NPIPB2: variants seen among roughly 807,000 people sequenced by gnomAD.
NPIPB2 encodes the protein nuclear pore complex interacting protein family member B2.
Under a neutral mutation model 30.8 loss-of-function variants are expected in NPIPB2, and 27 were observed. The observed-to-expected ratio is 0.88, with a 90% CI of 0.65 to 1.21. The LOEUF (loss-of-function observed/expected upper bound fraction) is 1.21, where lower values mean the gene tolerates loss of function less well. NPIPB2 is among the 50% of genes most tolerant of loss of function. NPIPB2 has a pLI of 0.00. For missense variants in NPIPB2, 440 were observed against 446.2 expected (o/e 0.99, Z 0.13); for synonymous variants, 147 against 162.0 (o/e 0.91, Z 0.70).
exon 3 of NPIPB2, chr16:11,933,908 G>C: frequency 6.4e-7 from 1 of 1,550,954 alleles, no homozygotes. Flanking sequence ...CTGGAAGATA[G>C]TCTTCAGGAA....
chr16:11,952,565 CTTTTT>C (rs3031202), intron 1 of NPIPB2, among the ~76,000 whole-genome samples: 1 of 109,874 alleles, frequency 9.1e-6, no homozygotes, highest in Non-Finnish European at 2.0e-5. Context: ...CTTTCTTTCT[CTTTTT>C]TTTTTTTTTT....
At chr16:11,952,947 G>A (rs372725031) in intron 1 of NPIPB2, among the ~76,000 whole-genome samples, 1 of 151,994 alleles carries the variant, frequency 6.6e-6, no homozygotes, top group Non-Finnish European at 1.5e-5. Flanking sequence ...GGATCTCTCT[G>A]CCCCTTGGAT....
At chr16:11,963,942 G>C (rs1340660958) in intron 1 of NPIPB2, 3 of 151,996 alleles carry the variant, frequency 2.0e-5, no homozygotes, top group Admixed American at 1.3e-4. Flanking sequence ...GGCTGAGGTG[G>C]GCAGATCACC....
chr16:11,957,150 C>G (rs990162459), intron 1 of NPIPB2, among the ~76,000 whole-genome samples: 2 of 146,572 alleles, frequency 1.4e-5, no homozygotes, highest in Admixed American at 1.4e-4. Flanking sequence ...TGCCACCACA[C>G]CTGTCTAACT....
At chr16:11,948,766 CAAAAAAA>C (rs34639444) in intron 1 of NPIPB2, among the ~76,000 whole-genome samples, 4 of 67,256 alleles carry the variant, frequency 5.9e-5, no homozygotes, top group Non-Finnish European at 9.3e-5. Flanking sequence ...GACTCCGTCT[CAAAAAAA>C]AAAAAAAAAA....
intron 2 of NPIPB2, 136 bp downstream of exon 2, chr16:11,937,404 T>C (rs1445538462): frequency 3.2e-6 from 2 of 631,894 alleles, no homozygotes; most frequent in East Asian, 3.0e-5. Flanking sequence ...ATAATTCTTA[T>C]GCTAATAAAT....
chr16:11,950,851 C>G (rs1490948596), intron 1 of NPIPB2, among the ~76,000 whole-genome samples: 1 of 152,112 alleles, frequency 6.6e-6, no homozygotes, highest in Non-Finnish European at 1.5e-5. Context: ...TCTTATTTCT[C>G]TGTATGTTCT....
intron 2 of NPIPB2, among the ~76,000 whole-genome samples, chr16:11,936,313 AAAG>A (rs1452989323): frequency 2.6e-5 from 4 of 152,084 alleles, no homozygotes; most frequent in African/African-American, 9.7e-5. Context: ...GAGGGTGAGA[AAAG>A]AAAAAAAAAA....
chr16:11,933,900 G>A lies in NPIPB2; in HGVS notation c.217C>T (p.Gln73Ter), dbSNP rs765964203. Residue 73 changes from glutamine to a stop codon, truncating the protein, a stop_gained, in exon 3 of 8, where the codon CAG becomes TAG. Transcript: ENST00000399147. LOFTEE classifies it high-confidence loss of function. The stretch of plus-strand genomic sequence containing the variant: ...GATACATCATGTCCATTTTCAGACT[G>A]GAAGATAGTCTTCAGGAAAGACAAC... 6.4e-7 allele frequency: 1 copy of A among 1,554,522 alleles called. No homozygotes were observed. The highest frequency in any genetic ancestry group is 8.8e-7 in the Non-Finnish European group (1 of 1,140,572).
chr16:11,957,571 G>T (rs886331532), intron 1 of NPIPB2, among the ~76,000 whole-genome samples: 7 of 152,118 alleles, frequency 4.6e-5, no homozygotes, highest in African/African-American at 1.7e-4. Context: ...TGGGATTACA[G>T]ACCTGAGCCA....
chr16:11,952,356 A>C (rs2055075259), intron 1 of NPIPB2, among the ~76,000 whole-genome samples: 1 of 151,770 alleles, frequency 6.6e-6, no homozygotes. Context: ...TCAAAAATAA[A>C]AAATAAAAAT....
intron 1 of NPIPB2, among the ~76,000 whole-genome samples, chr16:11,959,480 C>T (rs1325877508): frequency 6.6e-6 from 1 of 151,948 alleles, no homozygotes; most frequent in Non-Finnish European, 1.5e-5. Flanking sequence ...GTCCTAGCTA[C>T]CTGAGAGGCT....
chr16:11,950,138 T>C (rs573490557), intron 1 of NPIPB2, among the ~76,000 whole-genome samples: 33 of 152,260 alleles, frequency 2.2e-4, no homozygotes, highest in Admixed American at 1.1e-3. Context: ...GTTCAAGGGA[T>C]TCTCCTGCCT....
At chr16:11,956,006 C>T (rs529631121) in intron 1 of NPIPB2, 6 of 152,260 alleles carry the variant, frequency 3.9e-5, no homozygotes, top group East Asian at 1.9e-4. Flanking sequence ...CTCAGCCACA[C>T]GTTTTCACTT....
rs187326673 is a variant in NPIPB2 at position 11,970,638 on chromosome 16, C to T, written c.-584+5930G>A. On this transcript the variant is annotated intron_variant, in intron 1 of 5. Transcript: ENST00000538896. Reference sequence around the variant, plus strand: ...GCAACCTCCAACTTCTGGTTTCAAGCGATTCTCCTGCCTCAGCCTCCCGTG... The same window carrying T: ...GCAACCTCCAACTTCTGGTTTCAAGTGATTCTCCTGCCTCAGCCTCCCGTG... 4.2e-3 allele frequency among the ~76,000 whole-genome samples: 635 copies of T among 151,818 alleles called. 1 individual carries two copies. Among genetic ancestry groups the T allele is most frequent in the Middle Eastern group, 0.02 (6 of 294 alleles).
At position 11,933,631 on chromosome 16, in the gene NPIPB2, G is replaced by C. The variant is rs2150910160; in HGVS notation, c.374C>G (p.Thr125Ser). 4 of 1,596,876 alleles carry C rather than the reference G, an allele frequency of 2.5e-6. No homozygotes were observed. The Admixed American group carries it at 6.7e-5, about 27-fold the overall frequency. Residue 125 changes from threonine (T) to serine (S), a missense_variant, in exon 4 of 8, where the codon ACT becomes AGT. Around this residue, in one of 3 missense-constraint regions of NPIPB2, gnomAD observed 252 missense variants for 233.0 expected, o/e 1.08. Coordinates refer to ENST00000399147, the Ensembl canonical transcript of NPIPB2. The stretch of plus-strand genomic sequence containing the variant: ...TTTTGTTTCCACATGTCTCCGTAGA[G>C]TAATGACGTCTTTCAGGCCAATTTT...
At chr16:11,976,569 C>T (rs1397408958) in exon 1 of NPIPB2, 1 of 360,380 alleles carries the variant, frequency 2.8e-6, no homozygotes, top group East Asian at 4.1e-5. Flanking sequence ...CGGGTTTACC[C>T]TGAGTCTCCA....
Position 11,933,809 on chromosome 16 carries a change from T to C in NPIPB2, c.292+16A>G. On this transcript the variant is annotated intron_variant, in intron 3 of 7. Transcript: ENST00000399147. ...AAACTCATTTCCACACTATGGGGAC[T>C]CCAACAGAGCCATACCTTCCTGTCT... 6.3e-7 allele frequency: 1 copy of C among 1,590,548 alleles called. No individual in the cohort carries two copies. The highest frequency in any genetic ancestry group is 8.5e-7 in the Non-Finnish European group (1 of 1,173,346).
At chr16:11,931,793 A>G (rs547280249) in intron 4 of NPIPB2, among the ~76,000 whole-genome samples, 3 of 151,504 alleles carry the variant, frequency 2.0e-5, no homozygotes, top group African/African-American at 7.3e-5. Flanking sequence ...TATAAAACCC[A>G]TGATTGAATA....
Sources: allele counts gnomAD v4.1 joint callset (sites outside exome capture counted in the v4.1 genomes callset), GRCh38; gene constraint gnomAD v4.1.1; regional missense constraint gnomAD v4.1.1; transcripts MANE v1.5; gene names NCBI Gene and HGNC (gene_info 2026-07-23, HGNC 2026-07-21).